Variants in GCNT1 observed in about 807,000 individuals in gnomAD.
GCNT1 encodes the protein glucosaminyl (N-acetyl) transferase 1.
In GCNT1, 16 loss-of-function variants were observed where a neutral mutation model predicts 26.2. The ratio of observed to expected loss-of-function variants is 0.61; its 90% CI spans 0.41 to 0.93. GCNT1 has a LOEUF of 0.93. Ranked by LOEUF, GCNT1 falls within the 40% of genes least tolerant of loss-of-function variation. The probability of loss-of-function intolerance (pLI) is 0.00; values close to 1 mark genes in which losing one functional copy is unlikely to be tolerated. For missense variants in GCNT1, 477 were observed against 526.7 expected, an observed-to-expected ratio of 0.91 and a Z score of 0.92; for synonymous variants, 183 against 190.8, an observed-to-expected ratio of 0.96 and a Z score of 0.34.
upstream of GCNT1, among the ~76,000 whole-genome samples, chr9:76,417,640 G>T (rs551132866): frequency 2.0e-5 from 3 of 152,324 alleles, no homozygotes; most frequent in African/African-American, 7.2e-5. Context: ...AACTCCTTTG[G>T]TGGGTGGGGG....
chr9:76,492,959 G>GCTTTCTCC (rs1824788488), intron 2 of GCNT1, among the ~76,000 whole-genome samples: 1 of 152,098 alleles, frequency 6.6e-6, no homozygotes. Flanking sequence ...CACTTTTGGA[G>GCTTTCTCC]CTTTCTCCTG....
At chr9:76,450,570 T>C (rs1823649188) in intron 1 of GCNT1, among the ~76,000 whole-genome samples, 1 of 152,206 alleles carries the variant, frequency 6.6e-6, no homozygotes, top group Non-Finnish European at 1.5e-5. Flanking sequence ...ATCTATATTA[T>C]GTTTATCAAT....
At chr9:76,433,007 T>TGA (rs532035130) in intron 1 of GCNT1, among the ~76,000 whole-genome samples, 1 of 152,276 alleles carries the variant, frequency 6.6e-6, no homozygotes, top group South Asian at 2.1e-4. Flanking sequence ...CCAGCCACAC[T>TGA]GAGAGAGAGA....
Position 76,444,287 on chromosome 9 carries a change from G to A in GCNT1, c.-290+1972G>A, listed in dbSNP as rs562994626. 4.7e-4 allele frequency among the ~76,000 whole-genome samples: 71 copies of A among 152,298 alleles called. 1 individual carries two copies. Among genetic ancestry groups the A allele is most frequent in the African/African-American group, 1.7e-3 (71 of 41,552 alleles). ...CCAGACTAGAGATAGAAATCAGAGC[G>A]ATGTCGAGGTTAAATCTAGATGTAC... is the stretch of plus-strand genomic sequence containing the variant. On this transcript the variant is annotated intron_variant, in intron 1 of 2. Coordinates refer to the GCNT1 transcript ENST00000442371.
At chr9:76,454,629 C>T (rs1823723706), upstream of GCNT1, among the ~76,000 whole-genome samples, 1 of 148,844 alleles carries the variant, frequency 6.7e-6, no homozygotes. Flanking sequence ...GTGATTGGAT[C>T]GTGGGGGCAG....
the GCNT1 span, among the ~76,000 whole-genome samples, chr9:76,402,570 C>T: frequency 5.9e-5 from 9 of 152,270 alleles, no homozygotes; most frequent in African/African-American, 2.2e-4. Context: ...GCTGTCCATC[C>T]GTTTGACAAT....
chr9:76,461,512 G>A (rs1316377920), intron 2 of GCNT1, among the ~76,000 whole-genome samples: 3 of 151,802 alleles, frequency 2.0e-5, no homozygotes, highest in African/African-American at 4.8e-5. Flanking sequence ...GAACCCGGGA[G>A]GCGGAGGTTG....
intron 2 of GCNT1, among the ~76,000 whole-genome samples, chr9:76,476,676 C>T (rs1824259525): frequency 6.6e-6 from 1 of 152,150 alleles, no homozygotes; most frequent in Non-Finnish European, 1.5e-5. Flanking sequence ...CCATGTAAAA[C>T]TGTGTTTCGC....
the GCNT1 span, among the ~76,000 whole-genome samples, chr9:76,413,603 T>C: frequency 6.6e-6 from 1 of 152,156 alleles, no homozygotes; most frequent in South Asian, 2.1e-4. Context: ...TTGTCTTTGA[T>C]TTTTGGCAGT....
upstream of GCNT1, among the ~76,000 whole-genome samples, chr9:76,438,965 A>C (rs1256897161): frequency 6.6e-6 from 1 of 152,202 alleles, no homozygotes; most frequent in Non-Finnish European, 1.5e-5. Context: ...TTCTCTAAAG[A>C]ATCTTAACTT....
chr9:76,440,658 G>A (rs1380678024), upstream of GCNT1, among the ~76,000 whole-genome samples: 6 of 152,144 alleles, frequency 3.9e-5, no homozygotes, highest in East Asian at 5.8e-4. Flanking sequence ...GATGACTTGG[G>A]GACTGGGTCC....
chr9:76,486,471 A>G lies in GCNT1; in HGVS notation c.-289-14445A>G, dbSNP rs144176184. On this transcript the variant is annotated intron_variant, in intron 2 of 3. Coordinates refer to ENST00000376730, the MANE Select transcript of GCNT1 (RefSeq NM_001490.5). ...AACAGTTTTCCTTCAGAATTTGGAA[A>G]GCATTGCTCTATTTTAGTCTACCTT... Among the ~76,000 whole-genome samples, 75 of 152,356 alleles carry G rather than the reference A, an allele frequency of 4.9e-4. 1 individual carries two copies. In the East Asian group the frequency reaches 0.013, roughly 26 times the overall value.
At position 76,502,429 on chromosome 9, in the gene GCNT1, A is replaced by G; in HGVS notation, c.48A>G (p.Lys16=). The G allele has an allele frequency of 6.2e-7, 1 of 1,613,684 alleles. No individual in the cohort carries two copies. Among genetic ancestry groups the G allele is most frequent in the Non-Finnish European group, 8.5e-7 (1 of 1,179,786 alleles). Residue 16 remains lysine, a synonymous_variant, in exon 4 of 4, where the codon AAA becomes AAG. Coordinates refer to ENST00000376730, the MANE Select transcript of GCNT1 (RefSeq NM_001490.5). The part of the protein sequence containing the change: ...LRRRLFSYPT[K]YYFMVLVLSL... ...GGAGACTTTTTTCTTATCCCACCAA[A>G]TACTACTTTATGGTTCTTGTTTTAT... is the stretch of plus-strand genomic sequence containing the variant.
At chr9:76,399,426 C>T in the GCNT1 span, 1 of 1,514,032 alleles carries the variant, frequency 6.6e-7, no homozygotes, top group Non-Finnish European at 9.1e-7. Context: ...GCTACTCAGC[C>T]TGAGGTTGCA....
At chr9:76,399,583 T>A in the GCNT1 span, 1 of 1,246,104 alleles carries the variant, frequency 8.0e-7, no homozygotes, top group Admixed American at 1.7e-5. Flanking sequence ...CTGACTGGTC[T>A]TAAGCTGTTC....
chr9:76,397,313 T>TAA, the GCNT1 span, among the ~76,000 whole-genome samples: 3,900 of 147,124 alleles, frequency 0.027, 152 homozygotes, highest in African/African-American at 0.09. Flanking sequence ...TAGATAGATT[T>TAA]AAAAAAAAAA....
intron 1 of GCNT1, among the ~76,000 whole-genome samples, chr9:76,427,885 G>C (rs1200733597): frequency 6.6e-6 from 1 of 152,114 alleles, no homozygotes. Flanking sequence ...GGGAGGCTGT[G>C]GCATGAGAAT....
chr9:76,420,365 C>G (rs1486678577), intron 1 of GCNT1, among the ~76,000 whole-genome samples: 1 of 152,172 alleles, frequency 6.6e-6, no homozygotes. Flanking sequence ...GCCTTGAACT[C>G]CTGGGCCAAG....
intron 2 of GCNT1, among the ~76,000 whole-genome samples, chr9:76,480,948 A>G (rs1824405470): frequency 6.6e-6 from 1 of 152,026 alleles, no homozygotes; most frequent in African/African-American, 2.4e-5. Context: ...TTACTCAGAA[A>G]AAAAAAATAG....
Sources: allele counts gnomAD v4.1 joint callset (sites outside exome capture counted in the v4.1 genomes callset), GRCh38; gene constraint gnomAD v4.1.1; transcripts MANE v1.5; gene names NCBI Gene and HGNC (gene_info 2026-07-23, HGNC 2026-07-21).